SUMF1: variants seen among roughly 807,000 people sequenced by gnomAD.
SUMF1 encodes formylglycine-generating enzyme.
Under a neutral mutation model 47.6 loss-of-function variants are expected in SUMF1, and 48 were observed. That is an observed-to-expected ratio of 1.01 (90% confidence interval 0.80 to 1.28). SUMF1 has a LOEUF of 1.28. Ranked by LOEUF, SUMF1 falls within the 50% of genes most tolerant of loss-of-function variation. The probability of loss-of-function intolerance (pLI) is 0.00; values close to 1 mark genes in which losing one functional copy is unlikely to be tolerated. For missense variants in SUMF1, 571 were observed against 485.4 expected (o/e 1.18, Z -1.66); for synonymous variants, 230 against 192.1 (o/e 1.20, Z -1.63).
At chr3:4,198,271 AAAAGCT>A (rs1695473130) in intron 8 of SUMF1, among the ~76,000 whole-genome samples, 2 of 152,082 alleles carry the variant, frequency 1.3e-5, no homozygotes, top group South Asian at 2.1e-4. Flanking sequence ...TTAGACACAA[AAAAGCT>A]CAAGGGCCAA....
chr3:4,363,175 GA>G (rs1362969262), intron 8 of SUMF1, among the ~76,000 whole-genome samples: 1 of 151,976 alleles, frequency 6.6e-6, no homozygotes, highest in South Asian at 2.1e-4. Context: ...GATGGCCACT[GA>G]AAAAATACTA....
intron 9 of SUMF1, among the ~76,000 whole-genome samples, chr3:4,060,496 T>C (rs182867371): frequency 1.3e-3 from 198 of 152,318 alleles, no homozygotes; most frequent in African/African-American, 4.6e-3. Context: ...TTTTGGACTT[T>C]TGAAAGGCAT....
intron 8 of SUMF1, among the ~76,000 whole-genome samples, chr3:4,083,626 C>G (rs1188754207): frequency 1.3e-5 from 2 of 152,104 alleles, no homozygotes; most frequent in Non-Finnish European, 2.9e-5. Context: ...AAATTAGGGT[C>G]TTATAGAAGA....
intron 8 of SUMF1, among the ~76,000 whole-genome samples, chr3:4,334,659 T>C (rs905747469): frequency 6.6e-6 from 1 of 152,114 alleles, no homozygotes; most frequent in African/African-American, 2.4e-5. Context: ...TAAAAGACAT[T>C]CACACAAGTA....
At chr3:4,100,916 T>A (rs1338320379) in intron 8 of SUMF1, among the ~76,000 whole-genome samples, 4 of 152,078 alleles carry the variant, frequency 2.6e-5, no homozygotes, top group Non-Finnish European at 5.9e-5. Context: ...TCAATATCTC[T>A]AATCATCAGA....
intron 8 of SUMF1, among the ~76,000 whole-genome samples, chr3:4,243,455 T>G (rs191112139): frequency 4.6e-5 from 7 of 152,366 alleles, no homozygotes; most frequent in Admixed American, 1.3e-4. Flanking sequence ...GATTATGGTA[T>G]GTTGTGTCTT....
chr3:4,246,073 G>A (rs750316271), intron 8 of SUMF1, among the ~76,000 whole-genome samples: 5 of 152,132 alleles, frequency 3.3e-5, no homozygotes, highest in African/African-American at 1.2e-4. Flanking sequence ...AGCCAGGTAC[G>A]GGAGGGAATC....
intron 8 of SUMF1, among the ~76,000 whole-genome samples, chr3:4,149,358 C>A (rs1306139820): frequency 6.6e-6 from 1 of 152,090 alleles, no homozygotes; most frequent in Non-Finnish European, 1.5e-5. Context: ...TGACTATACA[C>A]CATTTTCTCC....
intron 8 of SUMF1, among the ~76,000 whole-genome samples, chr3:4,154,847 C>T (rs992746897): frequency 6.6e-6 from 1 of 151,548 alleles, no homozygotes; most frequent in Non-Finnish European, 1.5e-5. Context: ...TTCCAGAATA[C>T]ATCAAAATTA....
intron 8 of SUMF1, among the ~76,000 whole-genome samples, chr3:4,187,458 G>T (rs1007903140): frequency 1.3e-5 from 2 of 152,090 alleles, no homozygotes; most frequent in African/African-American, 4.8e-5. Context: ...TCAGAGGACT[G>T]TGGGCTTCTT....
chr3:4,072,669 G>A (rs143278596), intron 8 of SUMF1, among the ~76,000 whole-genome samples: 11 of 152,186 alleles, frequency 7.2e-5, no homozygotes, highest in East Asian at 5.8e-4. Flanking sequence ...AACACAGCAC[G>A]AGAACTTCAT....
At chr3:4,143,767 A>G (rs906522905) in intron 8 of SUMF1, among the ~76,000 whole-genome samples, 2 of 152,058 alleles carry the variant, frequency 1.3e-5, no homozygotes, top group Non-Finnish European at 2.9e-5. Flanking sequence ...CTAATTCCTA[A>G]TCCATCAAGC....
At chr3:4,265,618 T>G (rs973230785) in intron 8 of SUMF1, among the ~76,000 whole-genome samples, 3 of 152,176 alleles carry the variant, frequency 2.0e-5, no homozygotes, top group Non-Finnish European at 2.9e-5. Context: ...CATTGTAGAT[T>G]CTGGATATTA....
At chr3:4,336,186 A>G (rs1027658394) in intron 8 of SUMF1, among the ~76,000 whole-genome samples, 5 of 152,072 alleles carry the variant, frequency 3.3e-5, no homozygotes, top group African/African-American at 1.2e-4. Context: ...TCTTTGACCT[A>G]TGATTTTTCC....
At chr3:4,366,441 C>A (rs1212840946) in intron 8 of SUMF1, among the ~76,000 whole-genome samples, 1 of 151,648 alleles carries the variant, frequency 6.6e-6, no homozygotes, top group Non-Finnish European at 1.5e-5. Flanking sequence ...CTCTAAACTT[C>A]CCTTCTCGCT....
At chr3:4,140,416 C>A (rs189846704) in intron 8 of SUMF1, among the ~76,000 whole-genome samples, 1 of 151,930 alleles carries the variant, frequency 6.6e-6, no homozygotes, top group Admixed American at 6.6e-5. Context: ...ATGTAACTTC[C>A]TGCTATCCCC....
At chr3:4,168,718 T>C (rs1694765703) in intron 8 of SUMF1, among the ~76,000 whole-genome samples, 1 of 152,216 alleles carries the variant, frequency 6.6e-6, no homozygotes, top group African/African-American at 2.4e-5. Context: ...TCATACTTTA[T>C]CTCTCTAAGA....
At chr3:4,453,935 C>T (rs1703066496) in intron 1 of SUMF1, among the ~76,000 whole-genome samples, 2 of 152,090 alleles carry the variant, frequency 1.3e-5, no homozygotes, top group Non-Finnish European at 1.5e-5. Flanking sequence ...TTCCAAACTG[C>T]TGGGATTATG....
intron 8 of SUMF1, chr3:4,303,648 G>T (rs777287432): frequency 2.1e-6 from 3 of 1,431,218 alleles, no homozygotes; most frequent in Non-Finnish European, 1.8e-6. Flanking sequence ...CAGCGCACCC[G>T]TTGGTGCGCG....
Sources: gnomAD v4.1 joint callset for allele counts (sites outside exome capture counted in the v4.1 genomes callset) on GRCh38, gnomAD v4.1.1 for gene constraint, MANE v1.5 for transcripts, NCBI Gene and HGNC (gene_info 2026-07-23, HGNC 2026-07-21) for gene names.